Variants in LARP1B observed in about 807,000 individuals in gnomAD.
LARP1B encodes La ribonucleoprotein 1B.
A neutral mutation model predicts 114.2 loss-of-function variants in LARP1B; 76 were observed. The ratio of observed to expected loss-of-function variants is 0.67; its 90% CI spans 0.55 to 0.81. LARP1B has a LOEUF of 0.81. Ranked by LOEUF, LARP1B falls within the 30% of genes least tolerant of loss-of-function variation. The pLI is 0.00. For missense variants in LARP1B, 1,014 were observed against 1,075.8 expected, an observed-to-expected ratio of 0.94 and a Z score of 0.80; for synonymous variants, 345 against 348.0, an observed-to-expected ratio of 0.99 and a Z score of 0.10.
chr4:128,137,483 G>A (rs1302609592), intron 11 of LARP1B, among the ~76,000 whole-genome samples: 9 of 152,030 alleles, frequency 5.9e-5, no homozygotes, highest in Non-Finnish European at 4.4e-5. Context: ...GCTTATATGT[G>A]CTTTATGTGC....
At chr4:128,156,189 C>T (rs1490476837) in intron 11 of LARP1B, 24 of 1,608,038 alleles carry the variant, frequency 1.5e-5, no homozygotes, top group Non-Finnish European at 2.0e-5. Flanking sequence ...GCTCTCCAAC[C>T]CTCCTCGCTT....
At chr4:128,147,417 T>C (rs1730825068) in intron 11 of LARP1B, among the ~76,000 whole-genome samples, 1 of 152,208 alleles carries the variant, frequency 6.6e-6, no homozygotes, top group Non-Finnish European at 1.5e-5. Context: ...CCTTGATTAT[T>C]AGGCAATATT....
chr4:128,147,948 A>G (rs1731076432), intron 11 of LARP1B, among the ~76,000 whole-genome samples: 1 of 152,166 alleles, frequency 6.6e-6, no homozygotes, highest in South Asian at 2.1e-4. Context: ...CTCCTGAGTA[A>G]TAAAAAGTTT....
intron 11 of LARP1B, among the ~76,000 whole-genome samples, chr4:128,126,456 C>A (rs1789655758): frequency 6.6e-6 from 1 of 151,988 alleles, no homozygotes; most frequent in Non-Finnish European, 1.5e-5. Flanking sequence ...GATTATTAAA[C>A]AAAATATGCA....
chr4:128,159,252 G>A (rs1487040504), intron 11 of LARP1B, among the ~76,000 whole-genome samples: 1 of 151,768 alleles, frequency 6.6e-6, no homozygotes, highest in Non-Finnish European at 1.5e-5. Context: ...AAATGTATGT[G>A]TATAGTTTTG....
At position 128,107,936 on chromosome 4, in the gene LARP1B, T is replaced by TG. The variant is rs1200560602; in HGVS notation, c.988+625dup. 61 of 1,535,130 alleles carry TG rather than the reference T, an allele frequency of 4.0e-5. No individual in the cohort carries two copies. The Middle Eastern group carries it at 5.0e-4, about 13-fold the overall frequency. ...GATGTCATTTGATCGGAATATGCAG[T>TG]GGAATAGGTGACTCACTGAAATGCC... On this transcript the variant is annotated intron_variant, in intron 9 of 19. Coordinates refer to ENST00000326639, the MANE Select transcript of LARP1B (RefSeq NM_018078.4).
At chr4:128,192,478 A>G (rs896672302) in intron 15 of LARP1B, among the ~76,000 whole-genome samples, 1 of 152,200 alleles carries the variant, frequency 6.6e-6, no homozygotes, top group Admixed American at 6.5e-5. Context: ...CTTACCTTAA[A>G]TGTGCTCAGA....
chr4:128,091,542 G>T, intron 7 of LARP1B, 30 bp downstream of exon 7: 1 of 1,534,230 alleles, frequency 6.5e-7, no homozygotes, highest in South Asian at 1.3e-5. Context: ...AAGCAGACGG[G>T]ATAGCAAAAT....
chr4:128,063,433 A>AG (rs1761153665), intron 1 of LARP1B, among the ~76,000 whole-genome samples: 1 of 136,724 alleles, frequency 7.3e-6, no homozygotes, highest in Admixed American at 7.2e-5. Context: ...CTCTCAAAAA[A>AG]AAAAAAAAAA....
chr4:128,155,857 C>T, intron 11 of LARP1B: 1 of 1,566,616 alleles, frequency 6.4e-7, no homozygotes, highest in Non-Finnish European at 8.8e-7. Flanking sequence ...GCTGCAGAAG[C>T]AGAAGGAGCG....
chr4:128,221,024 A>C (rs1455926834), intron 7 of LARP1B, among the ~76,000 whole-genome samples: 1 of 152,220 alleles, frequency 6.6e-6, no homozygotes, highest in Non-Finnish European at 1.5e-5. Context: ...ACTCAACTGC[A>C]ATGATTCTTA....
chr4:128,158,601 T>C (rs1736922780), intron 11 of LARP1B, among the ~76,000 whole-genome samples: 1 of 152,194 alleles, frequency 6.6e-6, no homozygotes, highest in African/African-American at 2.4e-5. Flanking sequence ...AGCAATAGTA[T>C]TGAATAGTCA....
chr4:128,107,531 T>A, intron 9 of LARP1B: 1 of 1,385,922 alleles, frequency 7.2e-7, no homozygotes, highest in South Asian at 1.6e-5. Context: ...TTATGTTTCT[T>A]GTTCTTAAAT....
At chr4:128,090,968 C>A (rs776035871) in intron 5 of LARP1B, 33 bp from the exon 6 acceptor site, 2 of 1,462,980 alleles carry the variant, frequency 1.4e-6, no homozygotes, top group South Asian at 2.5e-5. Flanking sequence ...CTTGGCAAAT[C>A]GAAGTATATA....
rs756487712 is a variant in LARP1B at position 128,082,303 on chromosome 4, G to C, written c.356G>C (p.Arg119Pro). Residue 119 changes from arginine (R) to proline (P), a missense_variant and splice_region_variant, in exon 5 of 20, where the codon CGA becomes CCA. By Grantham distance (103) the Arg-to-Pro change is moderately radical. Transcript: ENST00000326639. The part of the protein sequence containing the change: ...PTHNNRRNDT[R>P]SWKRDREKRD... The stretch of plus-strand genomic sequence containing the variant: ...CATAACAATAGGAGAAATGATACAC[G>C]AAGTAAGTTACCATTCTAAGACAAA... 1.2e-6 allele frequency: 2 copies of C among 1,613,196 alleles called. No individual in the cohort carries two copies. Among genetic ancestry groups the C allele is most frequent in the African/African-American group, 1.3e-5 (1 of 75,018 alleles).
At chr4:128,087,099 T>C (rs1773906535) in intron 5 of LARP1B, among the ~76,000 whole-genome samples, 1 of 152,152 alleles carries the variant, frequency 6.6e-6, no homozygotes, top group African/African-American at 2.4e-5. Context: ...TTTGTGGTTT[T>C]AGTAGAGGCA....
rs114701061 is a variant in LARP1B, at chr4:128,180,699, G to C, written c.2003+1187G>C. On this transcript the variant is annotated intron_variant, in intron 15 of 19. Transcript: ENST00000326639. The stretch of plus-strand genomic sequence containing the variant: ...GTTGCTTCCAAGTTTTGGGAATTAT[G>C]AATAAAGCTGCTATAAACATCTATG... 5.4e-3 allele frequency among the ~76,000 whole-genome samples: 828 copies of C among 152,294 alleles called. 8 individuals are homozygous for C. Among genetic ancestry groups the C allele is most frequent in the African/African-American group, 0.019 (786 of 41,564 alleles).
chr4:128,200,172 G>A (rs1755509775), intron 16 of LARP1B, among the ~76,000 whole-genome samples: 1 of 152,186 alleles, frequency 6.6e-6, no homozygotes, highest in Non-Finnish European at 1.5e-5. Flanking sequence ...AAATGGGTTA[G>A]CATTTGTCAG....
chr4:128,221,791 G>A (rs1367643384), intron 7 of LARP1B, among the ~76,000 whole-genome samples: 1 of 152,200 alleles, frequency 6.6e-6, no homozygotes, highest in African/African-American at 2.4e-5. Context: ...CCAAAATTTA[G>A]TTAACTGCTG....
Sources: allele counts gnomAD v4.1 joint callset (sites outside exome capture counted in the v4.1 genomes callset), GRCh38; gene constraint gnomAD v4.1.1; transcripts MANE v1.5; gene names NCBI Gene and HGNC (gene_info 2026-07-23, HGNC 2026-07-21).